The following ASAP2 variants were observed in gnomAD, a reference collection of about 807,000 sequenced individuals.
ASAP2 encodes ArfGAP with SH3 domain, ankyrin repeat and PH domain 2, also known as arf-GAP with SH3 domain, ANK repeat and PH domain-containing protein 2.
In ASAP2, 45 loss-of-function variants were observed where a neutral mutation model predicts 131.4. The observed-to-expected ratio is 0.34, with a 90% CI of 0.27 to 0.44. The LOEUF (loss-of-function observed/expected upper bound fraction) is 0.44, where lower values mean the gene tolerates loss of function less well. Among genes scored for constraint, ASAP2 ranks in the 20% least tolerant of loss-of-function variants. The probability of loss-of-function intolerance (pLI) is 1.00; values close to 1 mark genes in which losing one functional copy is unlikely to be tolerated. For missense variants in ASAP2, 1,011 were observed against 1,297.0 expected, an observed-to-expected ratio of 0.78 and a Z score of 3.39; for synonymous variants, 510 against 503.0, an observed-to-expected ratio of 1.01 and a Z score of -0.19.
intron 16 of ASAP2, among the ~76,000 whole-genome samples, chr2:9,372,666 A>C (rs1674069110): frequency 6.6e-6 from 1 of 152,230 alleles, no homozygotes; most frequent in Non-Finnish European, 1.5e-5. Context: ...AAGAAAGATC[A>C]TAAAAACCAG....
chr2:9,320,130 A>G (rs1670061745), intron 4 of ASAP2, among the ~76,000 whole-genome samples, 158 bp from the exon 5 acceptor site: 1 of 152,192 alleles, frequency 6.6e-6, no homozygotes, highest in Non-Finnish European at 1.5e-5. Context: ...GGTCTACTTA[A>G]AAGCATGTAC....
At chr2:9,391,225 C>G in intron 23 of ASAP2, 29 bp downstream of exon 23, 1 of 1,592,532 alleles carries the variant, frequency 6.3e-7, no homozygotes, top group Non-Finnish European at 8.6e-7. Flanking sequence ...TCCTTTCTTG[C>G]CCGTGGGCTT....
intron 1 of ASAP2, among the ~76,000 whole-genome samples, chr2:9,255,359 A>G (rs1665084189): frequency 6.6e-6 from 1 of 152,242 alleles, no homozygotes; most frequent in South Asian, 2.1e-4. Context: ...CAAGATTCTG[A>G]AAGATGTGCT....
chr2:9,314,919 T>C (rs1186556139), intron 3 of ASAP2, among the ~76,000 whole-genome samples: 1 of 22,626 alleles, frequency 4.4e-5, no homozygotes. Flanking sequence ...TGAGACTCCA[T>C]CTCAAAAAAA....
chr2:9,230,398 C>T (rs1329849543), intron 1 of ASAP2, among the ~76,000 whole-genome samples: 2 of 152,214 alleles, frequency 1.3e-5, no homozygotes, highest in Non-Finnish European at 2.9e-5. Context: ...GTGACTCTGG[C>T]AGGCGAGTTT....
Position 9,388,425 on chromosome 2 carries a change from G to A in ASAP2, c.2262G>A (p.Met754Ile), listed in dbSNP as rs200731060. The change falls in exon 22 of 28, where the codon ATG becomes ATA. Residue 754 changes from methionine (M) to isoleucine (I), a missense_variant. Transcript: ENST00000281419. ...NLAKEKQRAFMPSILQNETYG... is the reference protein window; with the variant it reads ...NLAKEKQRAFIPSILQNETYG... ...CCAAGGAGAAGCAGAGGGCTTTCAT[G>A]CCCAGCATCTTGCAGAATGAGACTT... The A allele has an allele frequency of 1.2e-6, 2 of 1,614,120 alleles. No homozygotes were observed. The highest frequency in any genetic ancestry group is 1.7e-6 in the Non-Finnish European group (2 of 1,180,014).
chr2:9,323,274 C>G, intron 6 of ASAP2, 24 bp downstream of exon 6: 2 of 1,613,560 alleles, frequency 1.2e-6, no homozygotes, highest in Non-Finnish European at 1.7e-6. Context: ...GAAGGCAGGT[C>G]CTACAGCCCA....
intron 1 of ASAP2, among the ~76,000 whole-genome samples, chr2:9,222,157 A>G (rs1226305199): frequency 3.3e-5 from 5 of 152,202 alleles, no homozygotes. Context: ...TTTGCACAGA[A>G]TAGGTGCTCA....
intron 11 of ASAP2, among the ~76,000 whole-genome samples, chr2:9,348,837 T>A (rs1672148010): frequency 6.6e-6 from 1 of 151,678 alleles, no homozygotes; most frequent in South Asian, 2.1e-4. Flanking sequence ...GGAGAATGAG[T>A]TGTAGTAATT....
At chr2:9,350,099 G>A (rs1380013206) in intron 11 of ASAP2, among the ~76,000 whole-genome samples, 1 of 152,078 alleles carries the variant, frequency 6.6e-6, no homozygotes, top group Non-Finnish European at 1.5e-5. Flanking sequence ...TCAGTCCTTT[G>A]CTTTCTTGGA....
intron 5 of ASAP2, among the ~76,000 whole-genome samples, chr2:9,322,412 A>G (rs981415373): frequency 2.0e-5 from 3 of 152,126 alleles, no homozygotes; most frequent in African/African-American, 4.8e-5. Context: ...CCTTGTCTTC[A>G]TGGCAGCCCT....
At chr2:9,359,065 C>T (rs1041043769) in intron 15 of ASAP2, among the ~76,000 whole-genome samples, 176 bp downstream of exon 15, 26 of 152,132 alleles carry the variant, frequency 1.7e-4, no homozygotes, top group African/African-American at 5.1e-4. Flanking sequence ...TGGTTGAGGG[C>T]ACTTCTTGTT....
At chr2:9,273,300 A>G (rs1205258384) in intron 1 of ASAP2, among the ~76,000 whole-genome samples, 1 of 152,040 alleles carries the variant, frequency 6.6e-6, no homozygotes, top group African/African-American at 2.4e-5. Context: ...TTTTATTTGT[A>G]GCTATTGTAA....
chr2:9,217,719 A>G lies in ASAP2; in HGVS notation c.126+10489A>G, dbSNP rs1281791575. ...AAGCTCCGCCTCCTGGGTTCACGCC[A>G]TTCTTCTGTCTCCGCCTCCCGAGTA... On this transcript the variant is annotated intron_variant, in intron 1 of 27. Transcript: ENST00000281419. This position sits in a 1 kb window ranked among gnomAD's most constrained non-coding sequence, Gnocchi z 4.0. Among the ~76,000 whole-genome samples, 1 of 151,110 alleles carries G rather than the reference A, an allele frequency of 6.6e-6. No individual in the cohort carries two copies. The highest frequency in any genetic ancestry group is 1.5e-5 in the Non-Finnish European group (1 of 67,858).
chr2:9,272,901 G>A (rs1666498360), intron 1 of ASAP2, among the ~76,000 whole-genome samples: 1 of 152,074 alleles, frequency 6.6e-6, no homozygotes, highest in African/African-American at 2.4e-5. Flanking sequence ...TATTCCATTA[G>A]TCTATGTGTC....
At chr2:9,253,467 A>G (rs187012484) in intron 1 of ASAP2, among the ~76,000 whole-genome samples, 38 of 152,222 alleles carry the variant, frequency 2.5e-4, no homozygotes, top group African/African-American at 9.1e-4. Flanking sequence ...CCCGGCCAAA[A>G]TTCACGTTTT....
intron 9 of ASAP2, 94 bp downstream of exon 9, chr2:9,335,273 C>CA: frequency 9.1e-7 from 1 of 1,095,944 alleles, no homozygotes; most frequent in Non-Finnish European, 1.4e-6. Flanking sequence ...TCTAGGAGCT[C>CA]ACAGTTCACT....
intron 1 of ASAP2, among the ~76,000 whole-genome samples, chr2:9,266,160 T>G (rs1250865484): frequency 6.6e-6 from 1 of 151,042 alleles, no homozygotes; most frequent in Non-Finnish European, 1.5e-5. Flanking sequence ...TTTTTTTTTT[T>G]TTTGGACACA....
chr2:9,375,350 A>G (rs1384142847), intron 17 of ASAP2, among the ~76,000 whole-genome samples: 1 of 152,130 alleles, frequency 6.6e-6, no homozygotes, highest in African/African-American at 2.4e-5. Flanking sequence ...AAAGCTGGGT[A>G]ATTCTCCAGA....
Sources: allele counts gnomAD v4.1 joint callset (sites outside exome capture counted in the v4.1 genomes callset), GRCh38; gene constraint gnomAD v4.1.1; non-coding constraint Gnocchi (gnomAD v3.1); transcripts MANE v1.5; gene names NCBI Gene and HGNC (gene_info 2026-07-23, HGNC 2026-07-21).